Variants in GRM1 observed in about 807,000 individuals in gnomAD.
The protein encoded by GRM1 is glutamate metabotropic receptor 1, also known as metabotropic glutamate receptor 1.
Under a neutral mutation model 90.9 loss-of-function variants are expected in GRM1, and 33 were observed. The ratio of observed to expected loss-of-function variants is 0.36; its 90% CI spans 0.28 to 0.49. The LOEUF (loss-of-function observed/expected upper bound fraction) is 0.49. Ranked by LOEUF, GRM1 falls within the 20% of genes least tolerant of loss-of-function variation. The pLI is 0.99. For missense variants in GRM1, 1,190 were observed against 1,534.3 expected (o/e 0.78, Z 3.75); for synonymous variants, 700 against 613.2 (o/e 1.14, Z -2.09).
chr6:146,415,685 G>A (rs1354039662), intron 7 of GRM1, among the ~76,000 whole-genome samples: 2 of 152,084 alleles, frequency 1.3e-5, no homozygotes, highest in African/African-American at 4.8e-5. Context: ...GCCATTCCAG[G>A]TTTAGAATAT....
At chr6:146,134,346 A>T (rs1776526298) in intron 1 of GRM1, among the ~76,000 whole-genome samples, 1 of 152,244 alleles carries the variant, frequency 6.6e-6, no homozygotes, top group Admixed American at 6.5e-5. Context: ...CATAGAGCTC[A>T]TTAAATGTTT....
intron 2 of GRM1, among the ~76,000 whole-genome samples, chr6:146,170,679 CT>C (rs972684660): frequency 2.6e-5 from 4 of 151,606 alleles, no homozygotes; most frequent in South Asian, 2.1e-4. Flanking sequence ...TCATTATATC[CT>C]TTTTTTTACT....
intron 1 of GRM1, among the ~76,000 whole-genome samples, chr6:146,098,469 G>A (rs370125057): frequency 5.3e-5 from 8 of 151,628 alleles, no homozygotes; most frequent in Non-Finnish European, 1.0e-4. Context: ...TTTTTTTTAG[G>A]TATGGTCTTT....
chr6:146,339,457 T>C (rs971282297), intron 3 of GRM1, among the ~76,000 whole-genome samples: 3 of 152,224 alleles, frequency 2.0e-5, no homozygotes, highest in Non-Finnish European at 2.9e-5. Context: ...ATTTGACTAA[T>C]ATACTAAATA....
At chr6:146,056,837 A>C (rs1255857001) in intron 1 of GRM1, among the ~76,000 whole-genome samples, 2 of 152,142 alleles carry the variant, frequency 1.3e-5, no homozygotes, top group Non-Finnish European at 2.9e-5. Context: ...CTGACCAGAG[A>C]AAATACTGTC....
At chr6:146,409,965 A>T (rs1185253397) in intron 7 of GRM1, among the ~76,000 whole-genome samples, 1 of 152,344 alleles carries the variant, frequency 6.6e-6, no homozygotes, top group Non-Finnish European at 1.5e-5. Context: ...TTTTCCAGTT[A>T]TAAAAATATA....
intron 7 of GRM1, among the ~76,000 whole-genome samples, chr6:146,418,382 A>G (rs905412875): frequency 1.3e-5 from 2 of 151,748 alleles, no homozygotes; most frequent in East Asian, 1.9e-4. Flanking sequence ...TTATTTTTAT[A>G]TTAAAAATAA....
At position 146,063,535 on chromosome 6, in the gene GRM1, A is replaced by T. The variant is rs186736853; in HGVS notation, c.700+33318A>T. On this transcript the variant is annotated intron_variant, in intron 1 of 7. Transcript: ENST00000282753. ...AGGCATTTGGGAAGGGAGATTTCTT[A>T]CTTTTATTTTCTTGTTTCTGTAACT... Among the ~76,000 whole-genome samples the T allele has an allele frequency of 1.0e-3, 159 of 152,212 alleles. 2 individuals are homozygous for T. Among genetic ancestry groups the T allele is most frequent in the Non-Finnish European group, 9.6e-4 (65 of 67,994 alleles).
At chr6:146,137,045 G>T (rs1776651427) in intron 1 of GRM1, among the ~76,000 whole-genome samples, 1 of 151,860 alleles carries the variant, frequency 6.6e-6, no homozygotes. Flanking sequence ...TAGAGACAGG[G>T]TTTCGCCATG....
At chr6:146,166,294 A>T (rs1777900818) in intron 2 of GRM1, among the ~76,000 whole-genome samples, 1 of 152,066 alleles carries the variant, frequency 6.6e-6, no homozygotes, top group African/African-American at 2.4e-5. Context: ...CGTCTGATGA[A>T]TTAGCTTTCA....
chr6:146,308,669 C>A (rs1009828052), intron 3 of GRM1, among the ~76,000 whole-genome samples: 5 of 152,018 alleles, frequency 3.3e-5, no homozygotes, highest in Admixed American at 6.6e-5. Context: ...GCTTAATATG[C>A]TATTGCATGC....
chr6:146,375,936 C>T (rs1231736494), intron 5 of GRM1, among the ~76,000 whole-genome samples: 1 of 151,960 alleles, frequency 6.6e-6, no homozygotes, highest in African/African-American at 2.4e-5. Context: ...TTATGGTCTT[C>T]CCTCCCTTCT....
chr6:146,351,269 A>G (rs1785400189), intron 3 of GRM1, among the ~76,000 whole-genome samples: 1 of 152,166 alleles, frequency 6.6e-6, no homozygotes, highest in African/African-American at 2.4e-5. Flanking sequence ...TCAAACACAC[A>G]TCACATCGAC....
rs975554681 is a variant in GRM1, at chr6:146,367,100, G to GT, written c.1602+9415dup. Among the ~76,000 whole-genome samples the GT allele has an allele frequency of 4.6e-5, 7 of 151,480 alleles. No homozygotes were observed. In the East Asian group the frequency reaches 5.8e-4, roughly 13 times the overall value. ...GTATATAGTGAGAAATAGGGGTTTAGTTTTTTTTTCTTCTGCATATGAATA... is the reference window on the plus strand; with the variant it reads ...GTATATAGTGAGAAATAGGGGTTTAGTTTTTTTTTTCTTCTGCATATGAATA... On this transcript the variant is annotated intron_variant, in intron 5 of 7. Coordinates refer to ENST00000282753, the MANE Select transcript of GRM1 (RefSeq NM_001278064.2).
intron 7 of GRM1, among the ~76,000 whole-genome samples, chr6:146,402,689 T>C (rs1455573651): frequency 2.0e-5 from 3 of 152,186 alleles, no homozygotes; most frequent in Non-Finnish European, 4.4e-5. Context: ...AACTGATCTA[T>C]CTGTTTGAAC....
chr6:146,250,784 C>T (rs374221007), intron 2 of GRM1, among the ~76,000 whole-genome samples: 4 of 152,190 alleles, frequency 2.6e-5, no homozygotes, highest in Admixed American at 2.6e-4. Context: ...AACCCCATAC[C>T]TTTTCAGTGT....
chr6:146,262,679 T>C (rs1781746442), intron 2 of GRM1, among the ~76,000 whole-genome samples: 1 of 151,894 alleles, frequency 6.6e-6, no homozygotes, highest in African/African-American at 2.4e-5. Flanking sequence ...ATAAACACAA[T>C]ACACACACAT....
chr6:146,414,917 A>G (rs532676448), intron 7 of GRM1, among the ~76,000 whole-genome samples: 1 of 152,070 alleles, frequency 6.6e-6, no homozygotes, highest in African/African-American at 2.4e-5. Context: ...GATCATAGAG[A>G]TATTCTCCTG....
intron 2 of GRM1, among the ~76,000 whole-genome samples, chr6:146,218,901 T>G (rs1779962595): frequency 6.6e-6 from 1 of 152,218 alleles, no homozygotes; most frequent in African/African-American, 2.4e-5. Flanking sequence ...ACATCATGGC[T>G]GCACCACCAT....
Sources: allele counts gnomAD v4.1 joint callset (sites outside exome capture counted in the v4.1 genomes callset), GRCh38; gene constraint gnomAD v4.1.1; transcripts MANE v1.5; gene names NCBI Gene and HGNC (gene_info 2026-07-23, HGNC 2026-07-21).